The following DIP2C variants were observed in gnomAD, a reference collection of about 807,000 sequenced individuals.
DIP2C encodes DIP2 acetate--CoA ligase C (putative).
Under a neutral mutation model 192.4 loss-of-function variants are expected in DIP2C, and 33 were observed. The ratio of observed to expected loss-of-function variants is 0.17; its 90% CI spans 0.13 to 0.23. The LOEUF (loss-of-function observed/expected upper bound fraction) is 0.23, where lower values mean the gene tolerates loss of function less well. Among genes scored for constraint, DIP2C ranks in the 10% least tolerant of loss-of-function variants. The probability of loss-of-function intolerance (pLI) is 1.00; values close to 1 mark genes in which losing one functional copy is unlikely to be tolerated. For missense variants in DIP2C, 1,537 were observed against 2,110.1 expected, an observed-to-expected ratio of 0.73 and a Z score of 5.32; for synonymous variants, 979 against 864.1, an observed-to-expected ratio of 1.13 and a Z score of -2.33.
intron 1 of DIP2C, among the ~76,000 whole-genome samples, chr10:688,605 G>A (rs1240388094): frequency 6.8e-6 from 1 of 147,824 alleles, no homozygotes; most frequent in Non-Finnish European, 1.5e-5. Context: ...TGACCAGGAT[G>A]AGCCCAGAGA....
At chr10:577,068 G>A (rs1055062196) in intron 1 of DIP2C, among the ~76,000 whole-genome samples, 3 of 152,300 alleles carry the variant, frequency 2.0e-5, no homozygotes, top group African/African-American at 4.8e-5. Flanking sequence ...TGCTCAGCAT[G>A]TTTACATTTG....
intron 1 of DIP2C, among the ~76,000 whole-genome samples, chr10:493,914 TG>T (rs1443566701): frequency 1.3e-5 from 2 of 152,236 alleles, no homozygotes; most frequent in Non-Finnish European, 2.9e-5. Flanking sequence ...CAGAACCGCC[TG>T]GCCCAGTGCC....
intron 4 of DIP2C, among the ~76,000 whole-genome samples, chr10:423,868 G>A (rs565000732): frequency 2.0e-5 from 3 of 152,244 alleles, no homozygotes; most frequent in East Asian, 1.9e-4. Flanking sequence ...CCTTCATCAC[G>A]TCACATTTTA....
chr10:483,823 T>A lies in DIP2C; in HGVS notation c.157+2636A>T, dbSNP rs563899871. 6.4e-5 allele frequency among the ~76,000 whole-genome samples: 9 copies of A among 141,598 alleles called. No homozygotes were observed. In the East Asian group the frequency reaches 1.4e-3, roughly 22 times the overall value. 92.9% of individuals were successfully genotyped at this position (141,598 alleles called of 152,430 possible). A position where few individuals can be genotyped will look rare whatever the true frequency, so the allele number is the denominator to read the frequency against. On this transcript the variant is annotated intron_variant, in intron 2 of 36. Coordinates refer to ENST00000280886, the MANE Select transcript of DIP2C (RefSeq NM_014974.3). ...TGCCTCTATGACTTCATTTTACCAATTTTTTTTTTTTGAGACAGGGTCTCG... is the reference window on the plus strand; with the variant it reads ...TGCCTCTATGACTTCATTTTACCAAATTTTTTTTTTTGAGACAGGGTCTCG...
At chr10:662,763 T>C (rs1445624814) in intron 1 of DIP2C, 3 of 657,444 alleles carry the variant, frequency 4.6e-6, no homozygotes, top group Admixed American at 4.9e-5. Flanking sequence ...CTTATCTTAT[T>C]TCTCTTGTGT....
intron 24 of DIP2C, among the ~76,000 whole-genome samples, chr10:353,645 C>T (rs1262997202): frequency 2.0e-5 from 3 of 152,272 alleles, no homozygotes; most frequent in South Asian, 4.2e-4. Flanking sequence ...ACCCAAAGTG[C>T]TGGGATTGCA....
intron 1 of DIP2C, among the ~76,000 whole-genome samples, chr10:515,006 G>C (rs914158980): frequency 6.6e-6 from 1 of 152,128 alleles, no homozygotes; most frequent in Non-Finnish European, 1.5e-5. Flanking sequence ...GTTCTCATCA[G>C]CTCCCACCTG....
chr10:604,316 C>A (rs543987972), intron 1 of DIP2C, among the ~76,000 whole-genome samples: 2 of 152,160 alleles, frequency 1.3e-5, no homozygotes, highest in Non-Finnish European at 2.9e-5. Flanking sequence ...CCCATGCAAC[C>A]TATAAATATT....
chr10:593,862 T>C (rs1156647384), intron 1 of DIP2C, among the ~76,000 whole-genome samples: 1 of 152,018 alleles, frequency 6.6e-6, no homozygotes, highest in Non-Finnish European at 1.5e-5. Flanking sequence ...CCCTGGCAGG[T>C]AAAGGGGACT....
At chr10:427,608 C>A (rs915668578) in intron 4 of DIP2C, among the ~76,000 whole-genome samples, 3 of 152,034 alleles carry the variant, frequency 2.0e-5, no homozygotes, top group Admixed American at 2.0e-4. Flanking sequence ...TACCAATTAA[C>A]ATATACAAAT....
chr10:425,907 T>C (rs1055171608), intron 4 of DIP2C, among the ~76,000 whole-genome samples: 1 of 152,218 alleles, frequency 6.6e-6, no homozygotes, highest in African/African-American at 2.4e-5. Context: ...TGGCTAATAG[T>C]GTATTTAATG....
chr10:434,390 C>T (rs1383665458), intron 4 of DIP2C, among the ~76,000 whole-genome samples: 1 of 152,136 alleles, frequency 6.6e-6, no homozygotes, highest in Non-Finnish European at 1.5e-5. Context: ...TCAAGTGACC[C>T]TCCCATCTTG....
chr10:316,849 A>AT (rs1440556465), intron 31 of DIP2C, among the ~76,000 whole-genome samples: 1 of 152,176 alleles, frequency 6.6e-6, no homozygotes, highest in African/African-American at 2.4e-5. Flanking sequence ...TTGCTTTATC[A>AT]TTTTTTATGG....
chr10:460,034 G>A (rs552032241), intron 3 of DIP2C, among the ~76,000 whole-genome samples: 2 of 150,682 alleles, frequency 1.3e-5, no homozygotes, highest in South Asian at 2.1e-4. Flanking sequence ...TCAGGGAACC[G>A]CGTGCTGCAC....
intron 10 of DIP2C, among the ~76,000 whole-genome samples, chr10:398,182 G>T (rs1964144048): frequency 6.6e-6 from 1 of 152,168 alleles, no homozygotes; most frequent in African/African-American, 2.4e-5. Context: ...TGATCCAGGG[G>T]AGAATTAACT....
chr10:380,689 A>G (rs1962289713), intron 17 of DIP2C, among the ~76,000 whole-genome samples: 1 of 152,242 alleles, frequency 6.6e-6, no homozygotes, highest in Admixed American at 6.5e-5. Context: ...ACTGCCTCCC[A>G]CATTGGACGT....
At chr10:679,330 T>C (rs186241339) in intron 1 of DIP2C, among the ~76,000 whole-genome samples, 7 of 706 alleles carry the variant, frequency 9.9e-3, no homozygotes, top group African/African-American at 0.011. Context: ...CCATCCTCCC[T>C]GCGCCCATGC....
chr10:389,347 T>A (rs536959137), intron 13 of DIP2C, among the ~76,000 whole-genome samples: 1 of 152,228 alleles, frequency 6.6e-6, no homozygotes, highest in Admixed American at 6.5e-5. Flanking sequence ...CTCCCCTCTC[T>A]GTGCCATTTC....
chr10:586,917 G>A (rs933575492), intron 1 of DIP2C, among the ~76,000 whole-genome samples: 4 of 151,846 alleles, frequency 2.6e-5, no homozygotes, highest in Admixed American at 2.6e-4. Flanking sequence ...GACCACGTGG[G>A]TCCCCACTGA....
Sources: gnomAD v4.1 joint callset for allele counts (sites outside exome capture counted in the v4.1 genomes callset) on GRCh38, gnomAD v4.1.1 for gene constraint, MANE v1.5 for transcripts, NCBI Gene and HGNC (gene_info 2026-07-23, HGNC 2026-07-21) for gene names.